The following PCDHA7 variants were observed in gnomAD, a reference collection of about 807,000 sequenced individuals.
The protein encoded by PCDHA7 is protocadherin alpha 7, also known as protocadherin alpha-7.
Under a neutral mutation model 57.2 loss-of-function variants are expected in PCDHA7, and 37 were observed. That is an observed-to-expected ratio of 0.65 (90% CI 0.50 to 0.85). PCDHA7 has a LOEUF of 0.85. PCDHA7 is among the 40% of genes least tolerant of loss of function. The pLI, the probability that PCDHA7 is intolerant of heterozygous loss-of-function variation, is 0.00. For missense variants in PCDHA7, 1,188 were observed against 1,241.8 expected (o/e 0.96, Z 0.65); for synonymous variants, 553 against 558.8 (o/e 0.99, Z 0.15).
chr5:140,889,831 T>C (rs2062398202), intron 1 of PCDHA7, among the ~76,000 whole-genome samples: 1 of 152,138 alleles, frequency 6.6e-6, no homozygotes, highest in African/African-American at 2.4e-5. Flanking sequence ...AGTCTTACAG[T>C]ATGCTTTGGT....
At chr5:140,872,800 C>T (rs2053907687) in intron 1 of PCDHA7, among the ~76,000 whole-genome samples, 2 of 152,078 alleles carry the variant, frequency 1.3e-5, no homozygotes, top group African/African-American at 4.8e-5. Context: ...TGGCATTCTT[C>T]CATAAGTTTT....
Position 140,877,064 on chromosome 5 carries a change from T to C in PCDHA7, c.2355+40326T>C, listed in dbSNP as rs2056824961. On this transcript the variant is annotated intron_variant, in intron 1 of 3. Coordinates refer to ENST00000525929, the MANE Select transcript of PCDHA7 (RefSeq NM_018910.3). ...CTAGACCACGAGGAGCTGGAGCTGC[T>C]GCAGTTCCAGGTGAGCGCGCGCGAC... is the stretch of plus-strand genomic sequence containing the variant. The C allele has an allele frequency of 6.2e-7, 1 of 1,612,896 alleles. No homozygotes were observed. Among genetic ancestry groups the C allele is most frequent in the Non-Finnish European group, 8.5e-7 (1 of 1,179,856 alleles).
chr5:140,838,406 G>T (rs1775717074), intron 1 of PCDHA7, among the ~76,000 whole-genome samples: 1 of 151,394 alleles, frequency 6.6e-6, no homozygotes, highest in Admixed American at 6.6e-5. Flanking sequence ...TTACAGGAGT[G>T]AGCCACCGCA....
chr5:140,887,246 G>A (rs1346055055), intron 1 of PCDHA7, among the ~76,000 whole-genome samples: 2 of 151,778 alleles, frequency 1.3e-5, no homozygotes, highest in Non-Finnish European at 2.9e-5. Flanking sequence ...ACCGGCGCCC[G>A]CCACCACGCC....
chr5:140,848,577 A>G (rs1178094933), intron 1 of PCDHA7: 1 of 1,595,244 alleles, frequency 6.3e-7, no homozygotes, highest in Non-Finnish European at 8.6e-7. Context: ...GGTGGTGGGG[A>G]GCGGCCAGCT....
rs782644684 is a variant in PCDHA7 at position 140,870,861 on chromosome 5, G to C, written c.2355+34123G>C. The C allele has an allele frequency of 1.9e-6, 3 of 1,613,770 alleles. No individual in the cohort carries two copies. The African/African-American group carries it at 4.0e-5, about 22-fold the overall frequency. ...AGCTAGTACCGCGGTCGGTGGGTGC[G>C]GGCCACGTGGTGGCGAAGGTGCGCG... On this transcript the variant is annotated intron_variant, in intron 1 of 3. Coordinates refer to ENST00000525929, the MANE Select transcript of PCDHA7 (RefSeq NM_018910.3).
At chr5:140,928,685 A>G (rs899513448) in intron 1 of PCDHA7, 36 of 1,614,050 alleles carry the variant, frequency 2.2e-5, no homozygotes, top group Non-Finnish European at 3.1e-5. Context: ...TGGCTTTCCT[A>G]CCACATCTCC....
At chr5:140,872,207 T>C (rs1372716316) in intron 1 of PCDHA7, among the ~76,000 whole-genome samples, 1 of 152,224 alleles carries the variant, frequency 6.6e-6, no homozygotes, top group African/African-American at 2.4e-5. Flanking sequence ...ATAAATTCAT[T>C]ATATATGAAA....
intron 1 of PCDHA7, among the ~76,000 whole-genome samples, chr5:140,948,999 ATT>A (rs782571922): frequency 1.3e-5 from 2 of 151,708 alleles, no homozygotes; most frequent in Non-Finnish European, 3.0e-5. Flanking sequence ...CATTTTACTA[ATT>A]TTTATATGTG....
chr5:140,972,623 T>C (rs1554234256), intron 1 of PCDHA7, among the ~76,000 whole-genome samples: 1 of 151,938 alleles, frequency 6.6e-6, no homozygotes, highest in African/African-American at 2.4e-5. Context: ...TGAATGTTGT[T>C]GGCACTCCCT....
chr5:140,863,377 G>C (rs782482597), intron 1 of PCDHA7: 1 of 1,100,622 alleles, frequency 9.1e-7, no homozygotes, highest in African/African-American at 1.6e-5. Context: ...GCAGCTCACC[G>C]AGAGCTCGTG....
chr5:140,980,039 C>T (rs2096874436), intron 2 of PCDHA7, among the ~76,000 whole-genome samples: 1 of 152,184 alleles, frequency 6.6e-6, no homozygotes, highest in South Asian at 2.1e-4. Context: ...ACATTGGGTG[C>T]TATTTCTGAT....
At chr5:140,961,446 T>G (rs1318543773) in intron 1 of PCDHA7, among the ~76,000 whole-genome samples, 1 of 152,238 alleles carries the variant, frequency 6.6e-6, no homozygotes. Flanking sequence ...CTAACTACAC[T>G]GTCTTGCAGC....
intron 1 of PCDHA7, among the ~76,000 whole-genome samples, chr5:140,952,541 T>G (rs1554220493): frequency 6.6e-6 from 1 of 152,140 alleles, no homozygotes; most frequent in African/African-American, 2.4e-5. Flanking sequence ...CTGGACTTCT[T>G]TGTCCATTTC....
intron 1 of PCDHA7, among the ~76,000 whole-genome samples, chr5:140,894,188 A>AT (rs1157134749): frequency 1.1e-4 from 17 of 152,072 alleles, no homozygotes; most frequent in African/African-American, 4.1e-4. Flanking sequence ...ATAGTTATAT[A>AT]TTTTTTCTAT....
chr5:140,967,800 TGGCA>T, intron 1 of PCDHA7: 1 of 1,614,174 alleles, frequency 6.2e-7, no homozygotes, highest in Non-Finnish European at 8.5e-7. Context: ...CCAGTGCCCA[TGGCA>T]GGTCACTGCA....
At chr5:140,968,641 C>T (rs782760741) in intron 1 of PCDHA7, 12 of 1,614,006 alleles carry the variant, frequency 7.4e-6, no homozygotes, top group East Asian at 4.5e-5. Context: ...ACCATCTAGC[C>T]CAGACTTCTG....
At chr5:140,858,195 A>G in intron 1 of PCDHA7, 1 of 1,597,156 alleles carries the variant, frequency 6.3e-7, no homozygotes, top group East Asian at 2.2e-5. Flanking sequence ...CTGCTGCTGT[A>G]CACTGCACTG....
intron 3 of PCDHA7, among the ~76,000 whole-genome samples, chr5:140,999,645 G>C (rs1417751593): frequency 6.6e-6 from 1 of 152,156 alleles, no homozygotes; most frequent in Non-Finnish European, 1.5e-5. Context: ...AAACTGTGCA[G>C]CCTGAGCCCT....
Sources: gnomAD v4.1 joint callset for allele counts (sites outside exome capture counted in the v4.1 genomes callset) on GRCh38, gnomAD v4.1.1 for gene constraint, MANE v1.5 for transcripts, NCBI Gene and HGNC (gene_info 2026-07-23, HGNC 2026-07-21) for gene names.